NCOA2: variants seen among roughly 807,000 people sequenced by gnomAD.
NCOA2 encodes the protein nuclear receptor coactivator 2, also known as class E basic helix-loop-helix protein 75.
Under a neutral mutation model 145.1 loss-of-function variants are expected in NCOA2, and 21 were observed. The observed-to-expected ratio is 0.14, with a 90% CI of 0.10 to 0.21. NCOA2 has a LOEUF of 0.21. Ranked by LOEUF, NCOA2 falls within the 10% of genes least tolerant of loss-of-function variation. The pLI is 1.00. For synonymous variants in NCOA2, 619 were observed against 637.5 expected (o/e 0.97, Z 0.44); for missense variants, 1,472 against 1,837.6 (o/e 0.80, Z 3.64).
chr8:70,392,567 T>C (rs1311052876), intron 1 of NCOA2, among the ~76,000 whole-genome samples: 2 of 152,240 alleles, frequency 1.3e-5, no homozygotes, highest in South Asian at 2.1e-4. Context: ...TATTTATCTA[T>C]TAAGACATCA....
intron 1 of NCOA2, among the ~76,000 whole-genome samples, chr8:70,329,053 C>G (rs573857184): frequency 9.4e-4 from 143 of 152,218 alleles, no homozygotes; most frequent in African/African-American, 3.1e-3. Context: ...CTCCTGGGCT[C>G]AAATAATCCT....
intron 1 of NCOA2, among the ~76,000 whole-genome samples, chr8:70,388,882 G>C (rs1812916280): frequency 6.6e-6 from 1 of 152,142 alleles, no homozygotes; most frequent in African/African-American, 2.4e-5. Context: ...AGTGGAGAGA[G>C]ACAGGTCAGT....
chr8:70,326,453 GCACACA>G (rs142047406), intron 1 of NCOA2, among the ~76,000 whole-genome samples: 126 of 143,870 alleles, frequency 8.8e-4, no homozygotes, highest in African/African-American at 3.1e-3. Flanking sequence ...ACACACACGT[GCACACA>G]CACACACACA....
chr8:70,134,090 AC>A (rs1209174300), intron 15 of NCOA2, among the ~76,000 whole-genome samples: 15 of 152,056 alleles, frequency 9.9e-5, no homozygotes, highest in Non-Finnish European at 2.1e-4. Flanking sequence ...TCACAAAGTC[AC>A]ACATGCTGGG....
chr8:70,368,255 G>A (rs115400858), intron 1 of NCOA2, among the ~76,000 whole-genome samples: 1,719 of 152,334 alleles, frequency 0.011, 42 homozygotes, highest in African/African-American at 0.039. Context: ...AGTGTCACAA[G>A]TGCTGGCTAG....
chr8:70,187,308 C>G (rs1173023044), intron 4 of NCOA2, among the ~76,000 whole-genome samples: 1 of 152,182 alleles, frequency 6.6e-6, no homozygotes, highest in Non-Finnish European at 1.5e-5. Context: ...CTTTCTATAA[C>G]CAAATCCTCT....
chr8:70,144,374 C>A (rs559545575), intron 13 of NCOA2, among the ~76,000 whole-genome samples: 1 of 152,216 alleles, frequency 6.6e-6, no homozygotes, highest in East Asian at 1.9e-4. Flanking sequence ...AGAACAGTAA[C>A]TGGGATAGAA....
At chr8:70,281,355 CAAAAAA>C (rs372574771) in intron 2 of NCOA2, among the ~76,000 whole-genome samples, 21 of 61,020 alleles carry the variant, frequency 3.4e-4, no homozygotes, top group Middle Eastern at 0.015. Flanking sequence ...GACCCTGTCT[CAAAAAA>C]AAAAAAAAAA....
At chr8:70,452,225 C>T in the NCOA2 span, among the ~76,000 whole-genome samples, 1 of 152,296 alleles carries the variant, frequency 6.6e-6, no homozygotes, top group East Asian at 1.9e-4. Flanking sequence ...ATCTGCCCAC[C>T]TTGGCCCCCA....
At chr8:70,359,443 T>C (rs781310811) in intron 1 of NCOA2, among the ~76,000 whole-genome samples, 2 of 152,086 alleles carry the variant, frequency 1.3e-5, no homozygotes, top group South Asian at 2.1e-4. Context: ...CCTAGAAAAT[T>C]TGTGCTAAGA....
At chr8:70,180,066 C>T (rs767832443) in intron 4 of NCOA2, among the ~76,000 whole-genome samples, 1 of 152,218 alleles carries the variant, frequency 6.6e-6, no homozygotes, top group Non-Finnish European at 1.5e-5. Flanking sequence ...CAGGCATGAA[C>T]CACCATGCCC....
At chr8:70,228,957 A>G (rs1391241477) in intron 2 of NCOA2, among the ~76,000 whole-genome samples, 1 of 152,252 alleles carries the variant, frequency 6.6e-6, no homozygotes, top group East Asian at 1.9e-4. Context: ...ATACGTGTTC[A>G]TAGCACAAAT....
intron 1 of NCOA2, among the ~76,000 whole-genome samples, chr8:70,314,631 A>G (rs977322579): frequency 1.3e-5 from 2 of 152,234 alleles, no homozygotes; most frequent in Non-Finnish European, 2.9e-5. Context: ...ACCAAGCAGC[A>G]TTCATTTCCT....
At chr8:70,272,509 T>C (rs1291285415) in intron 2 of NCOA2, among the ~76,000 whole-genome samples, 1 of 152,220 alleles carries the variant, frequency 6.6e-6, no homozygotes, top group Admixed American at 6.5e-5. Flanking sequence ...TTTAAGAGGC[T>C]AATTTTTTTT....
chr8:70,279,597 C>T (rs760938467), intron 2 of NCOA2, among the ~76,000 whole-genome samples: 61 of 152,212 alleles, frequency 4.0e-4, no homozygotes, highest in Non-Finnish European at 8.1e-4. Flanking sequence ...AGACTAATAT[C>T]CCTACTTCCT....
intron 1 of NCOA2, among the ~76,000 whole-genome samples, chr8:70,350,056 T>C (rs1809030214): frequency 6.6e-6 from 1 of 152,182 alleles, no homozygotes; most frequent in Non-Finnish European, 1.5e-5. Flanking sequence ...AGTATACTGT[T>C]ACGTAGCCAG....
intron 4 of NCOA2, among the ~76,000 whole-genome samples, chr8:70,187,991 T>C (rs979746793): frequency 2.0e-5 from 3 of 152,190 alleles, no homozygotes; most frequent in Non-Finnish European, 2.9e-5. Flanking sequence ...GATGCATGGG[T>C]TGAATCCAAG....
intron 2 of NCOA2, among the ~76,000 whole-genome samples, chr8:70,282,056 A>AC (rs1456451467): frequency 1.3e-5 from 2 of 152,228 alleles, no homozygotes; most frequent in Non-Finnish European, 2.9e-5. Context: ...AAATAATGAA[A>AC]CCTAAGAGGT....
At position 70,121,355 on chromosome 8, in the gene NCOA2, G is replaced by A. The variant is rs752703643; in HGVS notation, c.4330C>T (p.Pro1444Ser). Reference sequence around the variant, plus strand: ...ATATCCATTCCAGGCAGCTGGTTTGGGAACAGGTTGCCTCCCCTCAGAGCA... The same window carrying A: ...ATATCCATTCCAGGCAGCTGGTTTGAGAACAGGTTGCCTCCCCTCAGAGCA... ...DPALRGGNLFPNQLPGMDMIK... is the reference protein window; with the variant it reads ...DPALRGGNLFSNQLPGMDMIK... Residue 1444 changes from proline (P) to serine (S), a missense_variant, in exon 22 of 23, where the codon CCA becomes TCA. Pro to Ser is a moderately conservative substitution (Grantham distance 74, BLOSUM62 -1). This residue lies in a region of NCOA2 where 232 missense variants were observed against 290.6 expected (regional missense o/e 0.80). Coordinates refer to ENST00000452400, the MANE Select transcript of NCOA2 (RefSeq NM_006540.4). 4 of 1,612,804 alleles carry A rather than the reference G, an allele frequency of 2.5e-6. No homozygotes were observed. The highest frequency in any genetic ancestry group is 3.4e-6 in the Non-Finnish European group (4 of 1,179,462).
Sources: gnomAD v4.1 joint callset for allele counts (sites outside exome capture counted in the v4.1 genomes callset) on GRCh38, gnomAD v4.1.1 for gene constraint, gnomAD v4.1.1 regional missense constraint, MANE v1.5 for transcripts, NCBI Gene and HGNC (gene_info 2026-07-23, HGNC 2026-07-21) for gene names.